TMCO4: variants seen among roughly 807,000 people sequenced by gnomAD.
The protein encoded by TMCO4 is transmembrane and coiled-coil domain-containing protein 4.
Under a neutral mutation model 64.7 loss-of-function variants are expected in TMCO4, and 58 were observed. The observed-to-expected ratio is 0.90, with a 90% CI of 0.73 to 1.12. The LOEUF is 1.12. Among genes scored for constraint, TMCO4 ranks in the 50% most tolerant of loss-of-function variants. The probability of loss-of-function intolerance (pLI) is 0.00; values close to 1 mark genes in which losing one functional copy is unlikely to be tolerated. For missense variants in TMCO4, 780 were observed against 825.9 expected (o/e 0.94, Z 0.68); for synonymous variants, 325 against 346.1 (o/e 0.94, Z 0.68).
chr1:19,784,790 G>T (rs1488936076), intron 3 of TMCO4, among the ~76,000 whole-genome samples: 1 of 121,364 alleles, frequency 8.2e-6, no homozygotes, highest in East Asian at 2.6e-4. Context: ...ACTGGAAGAA[G>T]AATTGGTTTG....
At position 19,700,806 on chromosome 1, in the gene TMCO4, C is replaced by T. The variant is rs752916117; in HGVS notation, c.1344G>A (p.Arg448=). Residue 448 remains arginine (R), a synonymous_variant, in exon 14 of 16, where the codon CGG becomes CGA. Transcript: ENST00000294543. ...EGEAKHWEPF[R]KVVSGRIING... is the part of the protein sequence containing the mutation. Reference sequence around the variant, plus strand: ...TGATGATCCTCCCGGACACCACCTTCCGGAAAGGCTCCCAATGCTTGGCTT... The same window carrying T: ...TGATGATCCTCCCGGACACCACCTTTCGGAAAGGCTCCCAATGCTTGGCTT... 1 of 1,614,254 alleles carries T rather than the reference C, an allele frequency of 6.2e-7. No homozygotes were observed. Among genetic ancestry groups the T allele is most frequent in the South Asian group, 1.1e-5 (1 of 91,086 alleles).
chr1:19,759,586 C>T lies in TMCO4; in HGVS notation c.383-3820G>A, dbSNP rs560100104. On this transcript the variant is annotated intron_variant, in intron 6 of 15. Coordinates refer to ENST00000294543, the MANE Select transcript of TMCO4 (RefSeq NM_181719.7). The stretch of plus-strand genomic sequence containing the variant: ...GGCACCAGCAGCTCAAGAAGCCAAG[C>T]TCACGGCTGCCTCGGGGCCTTTGCA... Among the ~76,000 whole-genome samples, 12 of 152,364 alleles carry T rather than the reference C, an allele frequency of 7.9e-5. 2 individuals carry two copies. The South Asian group carries it at 2.5e-3, about 32-fold the overall frequency.
intron 8 of TMCO4, among the ~76,000 whole-genome samples, chr1:19,746,923 C>CAAAA (rs199888917): frequency 1.0e-3 from 52 of 49,816 alleles, no homozygotes; most frequent in Middle Eastern, 0.012. Flanking sequence ...GATACTGTCT[C>CAAAA]AAAAAAAAAA....
intron 13 of TMCO4, among the ~76,000 whole-genome samples, chr1:19,711,376 C>T (rs1190138540): frequency 3.3e-5 from 5 of 152,208 alleles, no homozygotes; most frequent in African/African-American, 1.2e-4. Flanking sequence ...TTTGGTTTGT[C>T]TCACTTTCAA....
intron 6 of TMCO4, among the ~76,000 whole-genome samples, chr1:19,767,202 T>G (rs1447898843): frequency 6.6e-6 from 1 of 152,198 alleles, no homozygotes; most frequent in African/African-American, 2.4e-5. Flanking sequence ...CTTAGGCAAT[T>G]ACTTCACTTC....
chr1:19,739,905 G>A lies in TMCO4; in HGVS notation c.1098C>T (p.Ile366=), dbSNP rs766155683. ...GGAGACACACCCCCCAGGGGTTGTCGATGACATTGGCGACACTGAGGAGTG... is the reference window on the plus strand; with the variant it reads ...GGAGACACACCCCCCAGGGGTTGTCAATGACATTGGCGACACTGAGGAGTG... The part of the protein sequence containing the change: ...PASLLSVANV[I]DNPWGVCLHR... Residue 366 remains isoleucine, a synonymous_variant, in exon 12 of 16, where the codon ATC becomes ATT. Transcript: ENST00000294543. 72 of 1,613,876 alleles carry A rather than the reference G, an allele frequency of 4.5e-5. No homozygotes were observed. Among genetic ancestry groups the A allele is most frequent in the Non-Finnish European group, 5.8e-5 (69 of 1,179,990 alleles).
chr1:19,749,803 C>A (rs2041948803), intron 7 of TMCO4, among the ~76,000 whole-genome samples: 1 of 152,234 alleles, frequency 6.6e-6, no homozygotes. Flanking sequence ...ATTCAAGCTA[C>A]AGCCAATCTG....
intron 10 of TMCO4, among the ~76,000 whole-genome samples, chr1:19,745,203 G>T (rs1244323597): frequency 6.7e-6 from 1 of 149,438 alleles, no homozygotes; most frequent in Non-Finnish European, 1.5e-5. Context: ...AGAGTAGATG[G>T]ATGGATGGAT....
At chr1:19,738,576 C>T (rs2095465988) in intron 12 of TMCO4, among the ~76,000 whole-genome samples, 1 of 152,236 alleles carries the variant, frequency 6.6e-6, no homozygotes, top group Non-Finnish European at 1.5e-5. Flanking sequence ...GATATTGACA[C>T]CCAGACTCTT....
chr1:19,745,980 TAGTAAC>T (rs952741945), intron 9 of TMCO4, among the ~76,000 whole-genome samples: 14 of 152,086 alleles, frequency 9.2e-5, no homozygotes, highest in African/African-American at 3.4e-4. Context: ...ACACTCCACT[TAGTAAC>T]AGTGAATCAA....
chr1:19,774,396 T>C (rs554531625), intron 4 of TMCO4, among the ~76,000 whole-genome samples: 1 of 152,324 alleles, frequency 6.6e-6, no homozygotes, highest in South Asian at 2.1e-4. Flanking sequence ...CTCTGGGCCT[T>C]AGTTTCCTTA....
chr1:19,742,402 G>T (rs1161316705), intron 10 of TMCO4, among the ~76,000 whole-genome samples: 1 of 152,186 alleles, frequency 6.6e-6, no homozygotes, highest in East Asian at 1.9e-4. Flanking sequence ...TCCCGGGGCA[G>T]CCTGCAGGTT....
At chr1:19,777,689 G>A (rs1444464094) in intron 4 of TMCO4, among the ~76,000 whole-genome samples, 1 of 152,036 alleles carries the variant, frequency 6.6e-6, no homozygotes, top group East Asian at 1.9e-4. Flanking sequence ...TGGAACCTTG[G>A]GATTTCTTGT....
intron 13 of TMCO4, among the ~76,000 whole-genome samples, chr1:19,733,793 TG>T (rs2095440855): frequency 6.6e-6 from 1 of 152,218 alleles, no homozygotes; most frequent in South Asian, 2.1e-4. Flanking sequence ...GAGTGTGGCT[TG>T]GAGAGACAGT....
intron 3 of TMCO4, among the ~76,000 whole-genome samples, chr1:19,782,744 C>A (rs948093306): frequency 1.3e-5 from 2 of 152,142 alleles, no homozygotes; most frequent in African/African-American, 4.8e-5. Flanking sequence ...TGGGAGCCAC[C>A]AGGAAGGGTA....
intron 4 of TMCO4, among the ~76,000 whole-genome samples, chr1:19,774,098 G>GATTATA (rs983343653): frequency 3.3e-5 from 5 of 152,220 alleles, no homozygotes; most frequent in African/African-American, 1.2e-4. Context: ...CTACCACAGT[G>GATTATA]ATTATAATTT....
intron 13 of TMCO4, among the ~76,000 whole-genome samples, chr1:19,707,363 C>T (rs1197380038): frequency 6.6e-6 from 1 of 152,226 alleles, no homozygotes; most frequent in Admixed American, 6.5e-5. Context: ...TGGCTCACAC[C>T]TGTATTCCCA....
At chr1:19,745,680 G>A in intron 9 of TMCO4, 29 bp from the exon 10 acceptor site, 4 of 1,580,934 alleles carry the variant, frequency 2.5e-6, no homozygotes, top group Non-Finnish European at 3.4e-6. Context: ...GAAAGAGAAT[G>A]GAGGTGACTG....
chr1:19,777,103 C>A (rs1263841148), intron 4 of TMCO4, among the ~76,000 whole-genome samples: 3 of 151,424 alleles, frequency 2.0e-5, no homozygotes, highest in Non-Finnish European at 4.4e-5. Flanking sequence ...TGTACCTGTA[C>A]CTGCAGGTTG....
Sources: allele counts gnomAD v4.1 joint callset (sites outside exome capture counted in the v4.1 genomes callset), GRCh38; gene constraint gnomAD v4.1.1; transcripts MANE v1.5; gene names NCBI Gene and HGNC (gene_info 2026-07-23, HGNC 2026-07-21).